Variants in NALCN observed in about 807,000 individuals in gnomAD.
NALCN encodes sodium leak channel, non-selective.
A neutral mutation model predicts 225.3 loss-of-function variants in NALCN; 111 were observed. That is an observed-to-expected ratio of 0.49 (90% CI 0.42 to 0.58). The LOEUF is 0.58. Among genes scored for constraint, NALCN ranks in the 20% least tolerant of loss-of-function variants. The pLI, the probability that NALCN is intolerant of heterozygous loss-of-function variation, is 0.00. For missense variants in NALCN, 1,378 were observed against 2,202.4 expected, an observed-to-expected ratio of 0.63 and a Z score of 7.49; for synonymous variants, 764 against 769.0, an observed-to-expected ratio of 0.99 and a Z score of 0.11.
At chr13:101,403,149 A>G (rs1245620941) in intron 1 of NALCN, among the ~76,000 whole-genome samples, 3 of 152,136 alleles carry the variant, frequency 2.0e-5, no homozygotes, top group African/African-American at 4.8e-5. Context: ...TCACTCACTC[A>G]TTTGTTCATT....
At chr13:101,192,990 A>C (rs896877147) in intron 13 of NALCN, among the ~76,000 whole-genome samples, 1 of 152,172 alleles carries the variant, frequency 6.6e-6, no homozygotes, top group Admixed American at 6.6e-5. Flanking sequence ...GATTCCAATA[A>C]ATAAAGTCCA....
chr13:101,315,860 T>C (rs1315047800), intron 7 of NALCN, among the ~76,000 whole-genome samples: 1 of 135,330 alleles, frequency 7.4e-6, no homozygotes, highest in African/African-American at 2.8e-5. Context: ...TTGGTAAGAC[T>C]TGACTCCTCC....
intron 1 of NALCN, among the ~76,000 whole-genome samples, chr13:101,409,200 G>T (rs1468259957): frequency 6.6e-6 from 1 of 152,068 alleles, no homozygotes; most frequent in Non-Finnish European, 1.5e-5. Context: ...AACTGTCATT[G>T]CACCTACATG....
At chr13:101,334,346 G>A (rs1311187479) in intron 7 of NALCN, among the ~76,000 whole-genome samples, 1 of 101,424 alleles carries the variant, frequency 9.9e-6, no homozygotes, top group African/African-American at 5.1e-5. Context: ...TGACAGGTGA[G>A]TCACAGGAGA....
At chr13:101,266,723 T>C (rs892734914) in intron 10 of NALCN, among the ~76,000 whole-genome samples, 20 of 152,222 alleles carry the variant, frequency 1.3e-4, no homozygotes, top group Non-Finnish European at 2.4e-4. Flanking sequence ...AGAAACCATC[T>C]TGCATATGAG....
chr13:101,174,308 A>G (rs1490474220), intron 15 of NALCN, among the ~76,000 whole-genome samples: 2 of 152,228 alleles, frequency 1.3e-5, no homozygotes, highest in Non-Finnish European at 2.9e-5. Flanking sequence ...ATTGTAGGCT[A>G]GTGCAATTGG....
At chr13:101,185,542 G>T (rs3918308) in intron 14 of NALCN, among the ~76,000 whole-genome samples, 33,343 of 152,142 alleles carry the variant, frequency 0.22, 3,768 homozygotes, top group East Asian at 0.38. Context: ...GGAAAAAGAT[G>T]AATTTAACAA....
intron 13 of NALCN, among the ~76,000 whole-genome samples, chr13:101,222,822 T>C (rs1314232506): frequency 6.6e-6 from 1 of 152,186 alleles, no homozygotes; most frequent in African/African-American, 2.4e-5. Context: ...CTATCATTAA[T>C]GGAAAGCTCA....
intron 7 of NALCN, among the ~76,000 whole-genome samples, chr13:101,328,423 C>T (rs1043657425): frequency 3.3e-5 from 5 of 152,082 alleles, no homozygotes; most frequent in Non-Finnish European, 7.4e-5. Flanking sequence ...GCCATCCTCC[C>T]ACCTCAGCCT....
At chr13:101,331,908 T>C (rs1413138362) in intron 7 of NALCN, among the ~76,000 whole-genome samples, 6 of 152,182 alleles carry the variant, frequency 3.9e-5, no homozygotes, top group South Asian at 4.1e-4. Context: ...TGTTTCCACC[T>C]GTGTCTGGGG....
At chr13:101,261,813 C>T (rs909345814) in intron 10 of NALCN, among the ~76,000 whole-genome samples, 3 of 152,252 alleles carry the variant, frequency 2.0e-5, no homozygotes, top group Non-Finnish European at 2.9e-5. Context: ...TGACTTCTTC[C>T]GTTCCAATTT....
At chr13:101,332,182 G>A (rs535218739) in intron 7 of NALCN, among the ~76,000 whole-genome samples, 8 of 152,028 alleles carry the variant, frequency 5.3e-5, no homozygotes, top group Non-Finnish European at 1.0e-4. Context: ...AGAGAATGGA[G>A]AAGAGAGCTG....
At chr13:101,168,857 T>A (rs924488177) in intron 15 of NALCN, among the ~76,000 whole-genome samples, 1 of 152,206 alleles carries the variant, frequency 6.6e-6, no homozygotes, top group Non-Finnish European at 1.5e-5. Flanking sequence ...ACTCTTAGTG[T>A]CGAGAAAGCC....
At chr13:101,127,621 G>T (rs2036299328) in intron 17 of NALCN, among the ~76,000 whole-genome samples, 1 of 152,182 alleles carries the variant, frequency 6.6e-6, no homozygotes, top group South Asian at 2.1e-4. Flanking sequence ...GCCTCCCAAA[G>T]TGCTGGGATT....
chr13:101,301,198 A>G (rs1322087619), intron 7 of NALCN, among the ~76,000 whole-genome samples: 3 of 152,216 alleles, frequency 2.0e-5, no homozygotes, highest in East Asian at 1.9e-4. Flanking sequence ...CATTGGCAGG[A>G]AAGTGTAGGT....
chr13:101,412,343 T>C (rs989023280), intron 1 of NALCN, among the ~76,000 whole-genome samples: 1 of 152,232 alleles, frequency 6.6e-6, no homozygotes, highest in Non-Finnish European at 1.5e-5. Flanking sequence ...ATCTCTTTTC[T>C]TTGCATAATT....
intron 17 of NALCN, among the ~76,000 whole-genome samples, chr13:101,131,503 C>G (rs974350799): frequency 2.8e-4 from 43 of 152,206 alleles, no homozygotes; most frequent in African/African-American, 1.0e-3. Context: ...TTTCCAAGCT[C>G]TGTTTCCCAA....
intron 10 of NALCN, among the ~76,000 whole-genome samples, chr13:101,279,397 C>A (rs2043071943): frequency 6.6e-6 from 1 of 152,086 alleles, no homozygotes; most frequent in Non-Finnish European, 1.5e-5. Context: ...ACATTAACCT[C>A]CAAGTTACTC....
chr13:101,129,829 G>A (rs1396741442), intron 17 of NALCN, among the ~76,000 whole-genome samples: 5 of 151,348 alleles, frequency 3.3e-5, no homozygotes, highest in Non-Finnish European at 5.9e-5. Flanking sequence ...CCATCAACCC[G>A]TCATCTACAT....
Sources: gnomAD v4.1 joint callset for allele counts (sites outside exome capture counted in the v4.1 genomes callset) on GRCh38, gnomAD v4.1.1 for gene constraint, MANE v1.5 for transcripts, NCBI Gene and HGNC (gene_info 2026-07-23, HGNC 2026-07-21) for gene names.